Variants in LMO7 observed in about 807,000 individuals in gnomAD.
LMO7 encodes LIM domain 7, also known as LIM domain only protein 7.
In LMO7, 120 loss-of-function variants were observed where a neutral mutation model predicts 206.5. That is an observed-to-expected ratio of 0.58 (90% CI 0.50 to 0.68). The LOEUF (loss-of-function observed/expected upper bound fraction) is 0.68. Among genes scored for constraint, LMO7 ranks in the 30% least tolerant of loss-of-function variants. The pLI, the probability that LMO7 is intolerant of heterozygous loss-of-function variation, is 0.00. For synonymous variants in LMO7, 706 were observed against 681.5 expected (o/e 1.04, Z -0.56); for missense variants, 1,959 against 1,957.9 (o/e 1.00, Z -0.01).
intron 2 of LMO7, among the ~76,000 whole-genome samples, chr13:75,721,052 A>T (rs2043980064): frequency 6.6e-6 from 1 of 152,290 alleles, no homozygotes; most frequent in South Asian, 2.1e-4. Flanking sequence ...GCATTTACTT[A>T]ATTAAGATAA....
chr13:75,855,146 T>G, intron 28 of LMO7, 114 bp from the exon 29 acceptor site: 1 of 598,762 alleles, frequency 1.7e-6, no homozygotes, highest in Admixed American at 2.9e-5. Context: ...CACAGATATA[T>G]GTATAGAGCT....
At chr13:75,805,090 C>T (rs186497099) in intron 8 of LMO7, 107 of 1,017,752 alleles carry the variant, frequency 1.1e-4, no homozygotes, top group Non-Finnish European at 1.2e-4. Flanking sequence ...TATCCTAATT[C>T]TTGTCCGCAA....
At chr13:75,796,584 A>G in intron 5 of LMO7, 52 bp from the exon 6 acceptor site, 4 of 1,061,406 alleles carry the variant, frequency 3.8e-6, no homozygotes, top group Non-Finnish European at 4.4e-6. Flanking sequence ...TGAGCTTGCA[A>G]TTGGTTGCTA....
intron 1 of LMO7, among the ~76,000 whole-genome samples, chr13:75,687,538 T>C (rs924716326): frequency 6.6e-6 from 1 of 151,340 alleles, no homozygotes; most frequent in African/African-American, 2.4e-5. Flanking sequence ...TCACTCAAAC[T>C]TTTTTTTTCC....
At chr13:75,720,057 ATTATT>A (rs1343028823) in intron 2 of LMO7, among the ~76,000 whole-genome samples, 2 of 152,132 alleles carry the variant, frequency 1.3e-5, no homozygotes, top group Non-Finnish European at 2.9e-5. Context: ...GTGGTATCTC[ATTATT>A]TTAATTTACA....
intron 4 of LMO7, among the ~76,000 whole-genome samples, chr13:75,762,967 T>C (rs1018773508): frequency 6.6e-6 from 1 of 152,148 alleles, no homozygotes; most frequent in Non-Finnish European, 1.5e-5. Context: ...GATAGCACTT[T>C]TAGTAAAGGA....
In LMO7 at chr13:75,841,740, C is replaced by T; in HGVS notation, c.3788C>T (p.Thr1263Ile). The T allele has an allele frequency of 1.4e-5, 22 of 1,613,992 alleles. No individual in the cohort carries two copies. Among genetic ancestry groups the T allele is most frequent in the Non-Finnish European group, 1.8e-5 (21 of 1,179,980 alleles). ...TCCAAGTCTTCAGACAGAGAAGGAA[C>T]CCGAGCAGGAGAAGAGGAGAGGAGA... ...EGSKSSDREG[T>I]RAGEEERRQP... Residue 1263 changes from threonine to isoleucine, a missense_variant, in exon 24 of 31, where the codon ACC becomes ATC. Transcript: ENST00000377534.
chr13:75,746,094 G>A (rs190572017), intron 3 of LMO7, among the ~76,000 whole-genome samples: 85 of 152,250 alleles, frequency 5.6e-4, no homozygotes, highest in Non-Finnish European at 2.1e-4. Context: ...AATTTTCCAC[G>A]TTTTGATGGA....
chr13:75,825,286 G>A (rs1024163820), intron 15 of LMO7, among the ~76,000 whole-genome samples: 9 of 152,150 alleles, frequency 5.9e-5, no homozygotes, highest in Non-Finnish European at 1.2e-4. Context: ...AAGCAGAAGC[G>A]AAGTGCCTTT....
At chr13:75,816,296 G>A (rs932472880) in intron 11 of LMO7, among the ~76,000 whole-genome samples, 2 of 152,230 alleles carry the variant, frequency 1.3e-5, no homozygotes, top group African/African-American at 4.8e-5. Context: ...AAGGTCAGTA[G>A]GAAAGAGCTT....
intron 1 of LMO7, among the ~76,000 whole-genome samples, chr13:75,696,832 T>C (rs1392548239): frequency 6.6e-6 from 1 of 151,978 alleles, no homozygotes; most frequent in Non-Finnish European, 1.5e-5. Context: ...CAGGTAGACT[T>C]GGGGTGGACT....
intron 1 of LMO7, among the ~76,000 whole-genome samples, chr13:75,701,923 T>C (rs2042309312): frequency 6.6e-6 from 1 of 152,180 alleles, no homozygotes; most frequent in African/African-American, 2.4e-5. Context: ...TTGCCAGTCC[T>C]GGAACCAATC....
intron 4 of LMO7, among the ~76,000 whole-genome samples, chr13:75,794,400 T>G (rs1464733508): frequency 6.6e-6 from 1 of 152,184 alleles, no homozygotes; most frequent in Non-Finnish European, 1.5e-5. Flanking sequence ...TGGTCTTAGT[T>G]GCCTTGTTGA....
chr13:75,809,558 A>C (rs891042955), intron 11 of LMO7, among the ~76,000 whole-genome samples: 7 of 152,188 alleles, frequency 4.6e-5, no homozygotes, highest in Non-Finnish European at 8.8e-5. Context: ...AAATTACTAC[A>C]TTTTAGAAAA....
In LMO7 at chr13:75,761,283, G is replaced by T. The variant is rs139335548; in HGVS notation, c.317+245G>T. 2.2e-3 allele frequency among the ~76,000 whole-genome samples: 341 copies of T among 152,240 alleles called. 3 individuals carry two copies. Among genetic ancestry groups the T allele is most frequent in the African/African-American group, 7.8e-3 (325 of 41,550 alleles). ...AATCTCTATACCGACAAAAATGGTAGTGTTAATATTTTAATGTGTGTCCAA... is the reference window on the plus strand; with the variant it reads ...AATCTCTATACCGACAAAAATGGTATTGTTAATATTTTAATGTGTGTCCAA... On this transcript the variant is annotated intron_variant, in intron 4 of 30. Coordinates refer to ENST00000377534, the MANE Select transcript of LMO7 (RefSeq NM_001306080.2).
intron 1 of LMO7, among the ~76,000 whole-genome samples, chr13:75,693,810 C>G (rs1396249958): frequency 1.3e-5 from 2 of 152,134 alleles, no homozygotes; most frequent in African/African-American, 4.8e-5. Context: ...GGTTTTCTTT[C>G]TCACCCTCTC....
At chr13:75,727,547 A>G (rs986638399) in intron 3 of LMO7, among the ~76,000 whole-genome samples, 3 of 152,204 alleles carry the variant, frequency 2.0e-5, no homozygotes, top group South Asian at 4.1e-4. Flanking sequence ...TTACAAATAA[A>G]CATATAATAT....
intron 1 of LMO7, among the ~76,000 whole-genome samples, chr13:75,675,047 G>C (rs920030582): frequency 6.6e-6 from 1 of 151,858 alleles, no homozygotes; most frequent in Non-Finnish European, 1.5e-5. Context: ...TATAACAGAA[G>C]AATGTCACAA....
intron 4 of LMO7, among the ~76,000 whole-genome samples, chr13:75,768,066 C>T (rs1369999539): frequency 6.6e-6 from 1 of 151,972 alleles, no homozygotes; most frequent in Non-Finnish European, 1.5e-5. Flanking sequence ...TAAATGAAGT[C>T]AGGTATATAA....
Sources: gnomAD v4.1 joint callset for allele counts (sites outside exome capture counted in the v4.1 genomes callset) on GRCh38, gnomAD v4.1.1 for gene constraint, MANE v1.5 for transcripts, NCBI Gene and HGNC (gene_info 2026-07-23, HGNC 2026-07-21) for gene names.